The following C2orf92 variants were observed in gnomAD, a reference collection of about 807,000 sequenced individuals.
C2orf92 encodes the protein uncharacterized protein C2orf92.
chr2:97,672,794 C>T (rs1027762677), intron 1 of C2orf92, among the ~76,000 whole-genome samples: 1 of 151,792 alleles, frequency 6.6e-6, no homozygotes, highest in Non-Finnish European at 1.5e-5. Flanking sequence ...TCCTGGTGAC[C>T]CCGATGGTTC....
chr2:97,696,156 G>A (rs1290072114), intron 5 of C2orf92, among the ~76,000 whole-genome samples: 1 of 152,204 alleles, frequency 6.6e-6, no homozygotes. Context: ...ATATAAACAT[G>A]CTAACATTGA....
At position 97,682,151 on chromosome 2, in the gene C2orf92, TAGAA is replaced by T. The variant is rs139442826; in HGVS notation, c.232+6226_232+6229del. 5.4e-4 allele frequency among the ~76,000 whole-genome samples: 82 copies of T among 152,248 alleles called. 3 individuals carry two copies. In the East Asian group the frequency reaches 0.015, roughly 28 times the overall value. On this transcript the variant is annotated intron_variant, in intron 3 of 7. Transcript: ENST00000627399. ...AATATTACTACTAATTTTCTGGAAA[TAGAA>T]AGCATTTAATGAGAGAAGAATATAA...
upstream of C2orf92, chr2:97,663,943 G>T: frequency 3.1e-6 from 3 of 983,494 alleles, no homozygotes; most frequent in South Asian, 6.7e-5. Context: ...GGCACCGGAT[G>T]GGCGGGCGGG....
rs1675351852 is a variant in C2orf92, at chr2:97,669,828, A to G, written c.40A>G (p.Ile14Val). The change falls in exon 1 of 8, where the codon ATC becomes GTC. Residue 14 changes from isoleucine to valine, a missense_variant. By Grantham distance (29) the Ile-to-Val change is conservative. Coordinates refer to ENST00000627399, the MANE Select transcript of C2orf92 (RefSeq NM_001351368.2). ...AMALFFVLCW[I>V]QDEIVLQVFS... ...GGCCCTCTTCTTTGTTCTCTGCTGG[A>G]TCCAAGGTATATTGCTGTGGCAGCT... 1.0e-5 allele frequency: 4 copies of G among 398,674 alleles called. No homozygotes were observed. The highest frequency in any genetic ancestry group is 1.8e-5 in the Non-Finnish European group (4 of 226,094). The allele number at this position is 398,674 out of a possible 1,614,324, so 24.7% of individuals were successfully genotyped here. A position where few individuals can be genotyped will look rare whatever the true frequency, so the allele number is the denominator to read the frequency against.
At chr2:97,690,517 A>G (rs1354221511) in intron 5 of C2orf92, among the ~76,000 whole-genome samples, 190 bp downstream of exon 5, 1 of 151,552 alleles carries the variant, frequency 6.6e-6, no homozygotes, top group Admixed American at 6.6e-5. Flanking sequence ...AGTAGCTGTG[A>G]CTATGGGGGC....
upstream of C2orf92, among the ~76,000 whole-genome samples, chr2:97,667,493 T>C (rs1016107605): frequency 4.1e-5 from 6 of 146,372 alleles, 1 homozygote; most frequent in East Asian, 8.1e-4. Context: ...AGTGCAGTGG[T>C]GCGGTCTCGG....
chr2:97,678,787 C>T (rs924857127), intron 3 of C2orf92, among the ~76,000 whole-genome samples: 10 of 142,058 alleles, frequency 7.0e-5, no homozygotes, highest in South Asian at 2.2e-4. Flanking sequence ...CTGGGCAATA[C>T]GGCAAAACCC....
upstream of C2orf92, among the ~76,000 whole-genome samples, chr2:97,665,606 G>A (rs1463454756): frequency 2.0e-5 from 3 of 151,836 alleles, no homozygotes; most frequent in East Asian, 5.8e-4. Flanking sequence ...ACATGAGGGT[G>A]GGCTGACAGC....
chr2:97,702,866 C>A lies in C2orf92; in HGVS notation c.*65C>A, dbSNP rs1268911147. On this transcript the variant is annotated 3_prime_UTR_variant, in exon 8 of 8. Coordinates refer to ENST00000627399, the MANE Select transcript of C2orf92 (RefSeq NM_001351368.2). ...AATGCGAGGACATTCTCCATCTGCG[C>A]ACCACAGGGAGGCAATTCCATTTCT... 1 of 398,458 alleles carries A rather than the reference C, an allele frequency of 2.5e-6. No homozygotes were observed. The highest frequency in any genetic ancestry group is 4.4e-6 in the Non-Finnish European group (1 of 225,864). The allele number at this position is 398,458 out of a possible 1,614,324, so 24.7% of individuals were successfully genotyped here.
At chr2:97,680,021 T>C (rs980248538) in intron 3 of C2orf92, among the ~76,000 whole-genome samples, 1 of 152,018 alleles carries the variant, frequency 6.6e-6, no homozygotes, top group Non-Finnish European at 1.5e-5. Flanking sequence ...GCAAAATGGC[T>C]GAGCCTGGTG....
intron 5 of C2orf92, among the ~76,000 whole-genome samples, chr2:97,698,305 C>T (rs530374428): frequency 6.6e-6 from 1 of 152,178 alleles, no homozygotes; most frequent in Non-Finnish European, 1.5e-5. Flanking sequence ...GCTGGCCTCC[C>T]GATTTTCTCC....
intron 5 of C2orf92, among the ~76,000 whole-genome samples, chr2:97,693,036 G>A (rs1300453325): frequency 5.3e-5 from 8 of 152,150 alleles, no homozygotes; most frequent in Admixed American, 2.0e-4. Flanking sequence ...GTTTCTGTGA[G>A]TTGTGTTACT....
At chr2:97,694,185 A>G (rs1290094313) in intron 5 of C2orf92, among the ~76,000 whole-genome samples, 1 of 151,974 alleles carries the variant, frequency 6.6e-6, no homozygotes, top group South Asian at 2.1e-4. Flanking sequence ...TTCATTTTGC[A>G]TAATGTCCTC....
intron 1 of C2orf92, among the ~76,000 whole-genome samples, chr2:97,674,034 A>G (rs1446431107): frequency 6.6e-6 from 1 of 152,194 alleles, no homozygotes; most frequent in East Asian, 1.9e-4. Flanking sequence ...CCTGACGTAT[A>G]GTGGCTTAAA....
rs1321910811 is a variant in C2orf92, at chr2:97,699,072, C to T, written c.450C>T (p.Asp150=). The change falls in exon 6 of 8, where the codon GAC becomes GAT. Residue 150 remains aspartate (D), a synonymous_variant. Transcript: ENST00000627399. The part of the protein sequence containing the change: ...EKNFKESCLF[D]RDLREQLTTI... ...ATTTTAAAGAATCCTGTCTGTTCGA[C>T]AGGGATTTAAGAGAGCAGTTAACTA... 1.3e-5 allele frequency: 5 copies of T among 398,394 alleles called. No individual in the cohort carries two copies. The highest frequency in any genetic ancestry group is 6.2e-4 in the Middle Eastern group (1 of 1,610). 24.7% of individuals were successfully genotyped at this position (398,394 alleles called of 1,614,324 possible). A position where few individuals can be genotyped will look rare whatever the true frequency, so the allele number is the denominator to read the frequency against.
chr2:97,698,151 G>C (rs1676368323), intron 5 of C2orf92: 1 of 152,138 alleles, frequency 6.6e-6, no homozygotes, highest in Non-Finnish European at 1.5e-5. Context: ...CTCTTTGATA[G>C]CTCACCTTCT....
chr2:97,691,811 C>G (rs919555566), intron 5 of C2orf92, among the ~76,000 whole-genome samples: 1 of 152,104 alleles, frequency 6.6e-6, no homozygotes, highest in Non-Finnish European at 1.5e-5. Context: ...TCGCTTGAAC[C>G]CAGGAGGCAG....
chr2:97,689,041 T>C, intron 4 of C2orf92, 48 bp downstream of exon 4: 1 of 398,478 alleles, frequency 2.5e-6, no homozygotes, highest in Non-Finnish European at 4.4e-6. Flanking sequence ...TCTATAGGCC[T>C]ATGTGTTGTC....
rs1676489091 is a variant in C2orf92 at position 97,701,309 on chromosome 2, G to A, written c.665+5G>A. 6 of 398,978 alleles carry A rather than the reference G, an allele frequency of 1.5e-5. No homozygotes were observed. Among genetic ancestry groups the A allele is most frequent in the East Asian group, 3.6e-5 (1 of 28,074 alleles). 24.7% of individuals were successfully genotyped at this position (398,978 alleles called of 1,614,324 possible). ...CATCAGGAAGAAACAGCCATCGTGC[G>A]TGGTGCTGGCATAACCTTCCTTCCA... is the stretch of plus-strand genomic sequence containing the variant. On this transcript the variant is annotated splice_donor_5th_base_variant and intron_variant, in intron 7 of 7. Transcript: ENST00000627399.
Sources: allele counts gnomAD v4.1 joint callset (sites outside exome capture counted in the v4.1 genomes callset), GRCh38; gene constraint gnomAD v4.1.1; transcripts MANE v1.5; gene names NCBI Gene and HGNC (gene_info 2026-07-23, HGNC 2026-07-21).